Variants in NCMAP observed in about 807,000 individuals in gnomAD.
NCMAP encodes the protein noncompact myelin-associated protein.
Under a neutral mutation model 7.8 loss-of-function variants are expected in NCMAP, and 8 were observed. That is an observed-to-expected ratio of 1.02 (90% CI 0.60 to 1.84). The LOEUF (loss-of-function observed/expected upper bound fraction) is 1.84. Among genes scored for constraint, NCMAP ranks in the 40% most tolerant of loss-of-function variants. NCMAP has a pLI of 0.00. For missense variants in NCMAP, 112 were observed against 131.4 expected, an observed-to-expected ratio of 0.85 and a Z score of 0.72; for synonymous variants, 41 against 52.9, an observed-to-expected ratio of 0.78 and a Z score of 0.98.
chr1:24,562,636 GC>G (rs1466603539), intron 1 of NCMAP, among the ~76,000 whole-genome samples: 8 of 152,202 alleles, frequency 5.3e-5, no homozygotes, highest in African/African-American at 1.9e-4. Flanking sequence ...CAGGTCCCCT[GC>G]TCTTTGTCTT....
intron 1 of NCMAP, chr1:24,563,534 C>CAAAA (rs57911205): frequency 2.7e-4 from 34 of 125,236 alleles, no homozygotes; most frequent in Admixed American, 5.8e-4. Context: ...AAAACAACAA[C>CAAAA]AAAAAAAAAA....
At position 24,604,647 on chromosome 1, in the gene NCMAP, T is replaced by A. The variant is rs550689329; in HGVS notation, c.168-959T>A. On this transcript the variant is annotated intron_variant, in intron 3 of 3. Transcript: ENST00000374392. ...ATATATATATATATATATATATATA[T>A]ATATATGTCAGCAAGATGAAATACC... is the stretch of plus-strand genomic sequence containing the variant. Among the ~76,000 whole-genome samples, 14 of 75,176 alleles carry A rather than the reference T, an allele frequency of 1.9e-4. 3 individuals carry two copies. Among genetic ancestry groups the A allele is most frequent in the African/African-American group, 8.2e-4 (11 of 13,414 alleles). 49.3% of individuals were successfully genotyped at this position (75,176 alleles called of 152,430 possible).
chr1:24,560,160 C>CAAAAAA (rs67052970), intron 1 of NCMAP, among the ~76,000 whole-genome samples: 2 of 89,560 alleles, frequency 2.2e-5, no homozygotes, highest in Admixed American at 1.4e-4. Context: ...GACTCCATCT[C>CAAAAAA]AAAAAAAAAA....
intron 1 of NCMAP, among the ~76,000 whole-genome samples, chr1:24,561,910 C>CA (rs5773094): frequency 4.0e-4 from 55 of 137,046 alleles, no homozygotes; most frequent in South Asian, 1.6e-3. Flanking sequence ...GACTTCGTCT[C>CA]AAAAAAAAAA....
intron 2 of NCMAP, among the ~76,000 whole-genome samples, chr1:24,597,639 GAAAGAA>G (rs1652291747): frequency 2.6e-5 from 3 of 117,646 alleles, no homozygotes; most frequent in Admixed American, 8.5e-5. Flanking sequence ...AAGAAAGAAA[GAAAGAA>G]AGAAAGAAAG....
rs1320449523 is a variant in NCMAP at position 24,576,976 on chromosome 1, A to T, written c.-7-18448A>T. Among the ~76,000 whole-genome samples the T allele has an allele frequency of 1.3e-5, 2 of 151,968 alleles. No homozygotes were observed. The highest frequency in any genetic ancestry group is 1.3e-4 in the Admixed American group (2 of 15,248). On this transcript the variant is annotated intron_variant, in intron 1 of 3. Coordinates refer to ENST00000374392, the MANE Select transcript of NCMAP (RefSeq NM_001010980.5). This position sits in a 1 kb window ranked among gnomAD's most constrained non-coding sequence, Gnocchi z 4.0. ...AATCCTGTCTCTACTAAAAGCACAC[A>T]CACACAAAAAAATTAGCTGGGCGTG...
At chr1:24,582,200 T>C (rs770074062) in intron 1 of NCMAP, among the ~76,000 whole-genome samples, 8 of 152,248 alleles carry the variant, frequency 5.3e-5, no homozygotes, top group Middle Eastern at 3.4e-3. Flanking sequence ...GTGCCTCCCG[T>C]GGTGCTTGGC....
intron 1 of NCMAP, among the ~76,000 whole-genome samples, chr1:24,571,742 C>T (rs1043971909): frequency 3.3e-5 from 5 of 149,884 alleles, no homozygotes; most frequent in South Asian, 2.1e-4. Context: ...TGCGCCACCA[C>T]GCCTGGCTAA....
chr1:24,603,644 A>T (rs976509583), intron 3 of NCMAP, among the ~76,000 whole-genome samples: 13 of 152,218 alleles, frequency 8.5e-5, no homozygotes, highest in Non-Finnish European at 1.6e-4. Flanking sequence ...TTTAAAATGA[A>T]GAGTCTCAAA....
At chr1:24,562,491 C>T (rs759025904) in intron 1 of NCMAP, among the ~76,000 whole-genome samples, 1 of 152,224 alleles carries the variant, frequency 6.6e-6, no homozygotes, top group African/African-American at 2.4e-5. Context: ...CGGTTCCCCA[C>T]TGTCTCCCTA....
In NCMAP at chr1:24,601,154, C is replaced by T. The variant is rs909619930; in HGVS notation, c.167+130C>T. On this transcript the variant is annotated intron_variant, in intron 3 of 3. Coordinates refer to ENST00000374392, the MANE Select transcript of NCMAP (RefSeq NM_001010980.5). ...CTCAGCCTTTAGTAAATGCTCTAAC[C>T]CTTGGGGATCCTTTTTGCAGTCTGT... 2.6e-5 allele frequency: 18 copies of T among 680,866 alleles called. No homozygotes were observed. In the East Asian group the frequency reaches 4.7e-4, roughly 18 times the overall value. The allele number at this position is 680,866 out of a possible 1,614,324, so 42.2% of individuals were successfully genotyped here.
chr1:24,585,472 T>G (rs531284571), intron 1 of NCMAP, among the ~76,000 whole-genome samples: 6 of 152,268 alleles, frequency 3.9e-5, no homozygotes, highest in Non-Finnish European at 7.4e-5. Context: ...AGTCCATATC[T>G]ACAAAGAAGA....
intron 1 of NCMAP, among the ~76,000 whole-genome samples, chr1:24,562,980 G>GA (rs1368135451): frequency 6.6e-6 from 1 of 152,196 alleles, no homozygotes; most frequent in Non-Finnish European, 1.5e-5. Context: ...ATCCCTGGGG[G>GA]GGGACAGGAA....
chr1:24,578,399 CT>C (rs1651650326), intron 1 of NCMAP, among the ~76,000 whole-genome samples: 1 of 137,510 alleles, frequency 7.3e-6, no homozygotes, highest in Non-Finnish European at 1.6e-5. Flanking sequence ...CTCCAGGATC[CT>C]GGGACACGGA....
At chr1:24,585,601 A>G (rs775462974) in intron 1 of NCMAP, among the ~76,000 whole-genome samples, 15 of 152,162 alleles carry the variant, frequency 9.9e-5, no homozygotes, top group Non-Finnish European at 1.8e-4. Context: ...CAGGCAGGAA[A>G]ACCAAGGTCC....
chr1:24,573,422 T>C (rs1651446828), intron 1 of NCMAP, among the ~76,000 whole-genome samples: 1 of 150,514 alleles, frequency 6.6e-6, no homozygotes, highest in African/African-American at 2.5e-5. Flanking sequence ...ACCCTGTCTC[T>C]ACTAAAAATA....
intron 1 of NCMAP, among the ~76,000 whole-genome samples, chr1:24,571,878 G>T (rs921659280): frequency 2.0e-5 from 3 of 150,890 alleles, no homozygotes; most frequent in Admixed American, 2.0e-4. Flanking sequence ...AAGCCACCGC[G>T]CCTGGAAGAA....
intron 2 of NCMAP, among the ~76,000 whole-genome samples, chr1:24,596,851 G>A (rs1476712060): frequency 2.6e-5 from 4 of 152,198 alleles, no homozygotes; most frequent in Non-Finnish European, 5.9e-5. Flanking sequence ...AAAAATTTCA[G>A]GATGACTCTT....
chr1:24,595,588 G>GC, intron 2 of NCMAP, 76 bp downstream of exon 2: 1 of 1,216,120 alleles, frequency 8.2e-7, no homozygotes, highest in Non-Finnish European at 1.2e-6. Flanking sequence ...GAGGTTAAGA[G>GC]TGTGGGCTCT....
Sources: allele counts gnomAD v4.1 joint callset (sites outside exome capture counted in the v4.1 genomes callset), GRCh38; gene constraint gnomAD v4.1.1; non-coding constraint Gnocchi (gnomAD v3.1); transcripts MANE v1.5; gene names NCBI Gene and HGNC (gene_info 2026-07-23, HGNC 2026-07-21).